Variants in FBXL4 observed in about 807,000 individuals in gnomAD.
FBXL4 encodes the protein F-box and leucine rich repeat protein 4.
In FBXL4, 40 loss-of-function variants were observed where a neutral mutation model predicts 58.9. That is an observed-to-expected ratio of 0.68 (90% CI 0.53 to 0.88). The LOEUF is 0.88. FBXL4 is among the 40% of genes least tolerant of loss of function. The probability of loss-of-function intolerance (pLI) is 0.00; values close to 1 mark genes in which losing one functional copy is unlikely to be tolerated. For missense variants in FBXL4, 676 were observed against 734.4 expected (o/e 0.92, Z 0.92); for synonymous variants, 263 against 265.5 (o/e 0.99, Z 0.09).
intron 7 of FBXL4, among the ~76,000 whole-genome samples, chr6:98,893,105 C>T (rs1771285125): frequency 2.0e-5 from 3 of 151,886 alleles, no homozygotes; most frequent in Non-Finnish European, 2.9e-5. Context: ...TTTTTTTCCC[C>T]AAACAGAGAA....
chr6:98,940,221 G>A (rs1191569069), intron 1 of FBXL4, among the ~76,000 whole-genome samples: 1 of 151,712 alleles, frequency 6.6e-6, no homozygotes, highest in Non-Finnish European at 1.5e-5. Context: ...TACACAATTT[G>A]CAAGTTTTTC....
At chr6:98,906,749 T>C (rs1052745080) in intron 5 of FBXL4, among the ~76,000 whole-genome samples, 1 of 152,228 alleles carries the variant, frequency 6.6e-6, no homozygotes, top group Non-Finnish European at 1.5e-5. Context: ...ATCACCACAC[T>C]GTCTTCCACA....
intron 8 of FBXL4, among the ~76,000 whole-genome samples, chr6:98,879,630 C>A (rs532805619): frequency 8.5e-5 from 13 of 152,188 alleles, no homozygotes; most frequent in African/African-American, 2.9e-4. Context: ...CACCTGTAAT[C>A]CCGGCAATTT....
At chr6:98,893,036 G>A (rs1258527963) in intron 7 of FBXL4, among the ~76,000 whole-genome samples, 2 of 152,050 alleles carry the variant, frequency 1.3e-5, no homozygotes, top group Non-Finnish European at 2.9e-5. Context: ...CTAAGCAACA[G>A]AATAACATTC....
intron 1 of FBXL4, among the ~76,000 whole-genome samples, chr6:98,941,651 C>G (rs1337101273): frequency 6.6e-6 from 1 of 152,176 alleles, no homozygotes; most frequent in Non-Finnish European, 1.5e-5. Flanking sequence ...CAGCCCCAAC[C>G]ACTCATCTTG....
At chr6:98,931,049 G>C (rs1264669192) in intron 2 of FBXL4, among the ~76,000 whole-genome samples, 1 of 152,194 alleles carries the variant, frequency 6.6e-6, no homozygotes, top group Non-Finnish European at 1.5e-5. Flanking sequence ...TCAAGGGAAG[G>C]ACAGAAAACC....
intron 7 of FBXL4, among the ~76,000 whole-genome samples, chr6:98,895,456 T>G (rs559516724): frequency 7.2e-5 from 11 of 152,342 alleles, no homozygotes; most frequent in Admixed American, 4.6e-4. Context: ...TAGTAAGTAG[T>G]AAAGAAAATC....
rs1770446469 is a variant in FBXL4 at position 98,869,755 on chromosome 6, T to A, written c.*4523A>T. On this transcript the variant is annotated 3_prime_UTR_variant, in exon 10 of 10. Transcript: ENST00000369244. ...ATATGAGTTTTAGTCTTCAGTTAAT[T>A]CCTGGGAAATGCCAAAAATAAAAAT... 6.6e-6 allele frequency: 1 copy of A among 152,210 alleles called. No individual in the cohort carries two copies. Among genetic ancestry groups the A allele is most frequent in the Non-Finnish European group, 1.5e-5 (1 of 68,030 alleles). 9.4% of individuals were successfully genotyped at this position (152,210 alleles called of 1,614,324 possible). A position where few individuals can be genotyped will look rare whatever the true frequency, so the allele number is the denominator to read the frequency against.
intron 5 of FBXL4, among the ~76,000 whole-genome samples, chr6:98,915,913 C>T (rs1389384865): frequency 2.0e-5 from 3 of 151,566 alleles, no homozygotes; most frequent in Non-Finnish European, 2.9e-5. Flanking sequence ...ATTTTCGCAA[C>T]CTACTCATCT....
intron 2 of FBXL4, among the ~76,000 whole-genome samples, chr6:98,928,892 T>A (rs1223390084): frequency 2.0e-5 from 3 of 152,202 alleles, no homozygotes; most frequent in Admixed American, 2.0e-4. Context: ...TCCTCTATCA[T>A]TTCTTTTCCA....
intron 1 of FBXL4, among the ~76,000 whole-genome samples, chr6:98,944,667 GT>G (rs1223269417): frequency 1.3e-5 from 2 of 152,120 alleles, no homozygotes. Context: ...ATAAAGAGAT[GT>G]CTCCCTCTGG....
intron 7 of FBXL4, among the ~76,000 whole-genome samples, chr6:98,894,334 T>C (rs1771337795): frequency 6.6e-6 from 1 of 152,176 alleles, no homozygotes; most frequent in Admixed American, 6.5e-5. Context: ...TACCTAATTA[T>C]TTCCATGCCA....
At chr6:98,937,737 T>C (rs752434074) in intron 1 of FBXL4, among the ~76,000 whole-genome samples, 1 of 152,228 alleles carries the variant, frequency 6.6e-6, no homozygotes, top group Non-Finnish European at 1.5e-5. Context: ...AATATCTCTA[T>C]ACAGTACCAA....
intron 5 of FBXL4, among the ~76,000 whole-genome samples, chr6:98,911,801 C>T (rs188488045): frequency 2.6e-4 from 39 of 152,284 alleles, no homozygotes; most frequent in African/African-American, 7.0e-4. Flanking sequence ...AGTTCCTCAC[C>T]GGCAATGGAA....
At chr6:98,931,879 C>G (rs1035316535) in intron 2 of FBXL4, among the ~76,000 whole-genome samples, 1 of 152,226 alleles carries the variant, frequency 6.6e-6, no homozygotes, top group African/African-American at 2.4e-5. Flanking sequence ...ACGACCAATG[C>G]AGAAGTCCAA....
intron 2 of FBXL4, among the ~76,000 whole-genome samples, chr6:98,928,334 T>G (rs1364853638): frequency 3.3e-5 from 5 of 150,134 alleles, no homozygotes; most frequent in Admixed American, 3.3e-4. Context: ...CAACTTTTCT[T>G]TTTTTTTTTT....
At position 98,910,744 on chromosome 6, in the gene FBXL4, G is replaced by A. The variant is rs550034532; in HGVS notation, c.859-5074C>T. 3.9e-5 allele frequency among the ~76,000 whole-genome samples: 6 copies of A among 152,302 alleles called. No homozygotes were observed. In the East Asian group the frequency reaches 1.2e-3, roughly 29 times the overall value. On this transcript the variant is annotated intron_variant, in intron 5 of 9. Coordinates refer to ENST00000369244, the MANE Select transcript of FBXL4 (RefSeq NM_001278716.2). The stretch of plus-strand genomic sequence containing the variant: ...AGCTCGAGTCTATAGGTCCCAGCGT[G>A]AGCAACGCATTAGACGGGTGATTTC...
At chr6:98,926,104 G>C (rs1772768212) in intron 4 of FBXL4, among the ~76,000 whole-genome samples, 1 of 152,132 alleles carries the variant, frequency 6.6e-6, no homozygotes. Flanking sequence ...GGCCTATTGT[G>C]AGTTGTTGAA....
At chr6:98,886,643 T>C (rs555757482) in intron 7 of FBXL4, among the ~76,000 whole-genome samples, 1 of 152,310 alleles carries the variant, frequency 6.6e-6, no homozygotes, top group East Asian at 1.9e-4. Flanking sequence ...TGCACATTGC[T>C]CCCTTCTAGA....
Sources: allele counts gnomAD v4.1 joint callset (sites outside exome capture counted in the v4.1 genomes callset), GRCh38; gene constraint gnomAD v4.1.1; transcripts MANE v1.5; gene names NCBI Gene and HGNC (gene_info 2026-07-23, HGNC 2026-07-21).